The following ZBTB20 variants were observed in gnomAD, a reference collection of about 807,000 sequenced individuals.
The protein encoded by ZBTB20 is zinc finger and BTB domain-containing protein 20.
Under a neutral mutation model 56.9 loss-of-function variants are expected in ZBTB20, and 9 were observed. The ratio of observed to expected loss-of-function variants is 0.16; its 90% CI spans 0.10 to 0.28. ZBTB20 has a LOEUF of 0.28. Among genes scored for constraint, ZBTB20 ranks in the 10% least tolerant of loss-of-function variants. ZBTB20 has a pLI of 1.00. For synonymous variants in ZBTB20, 417 were observed against 420.7 expected (o/e 0.99, Z 0.11); for missense variants, 655 against 1,003.0 (o/e 0.65, Z 4.69).
intron 11 of ZBTB20, among the ~76,000 whole-genome samples, chr3:114,346,730 G>C (rs2080217920): frequency 6.6e-6 from 1 of 151,078 alleles, no homozygotes; most frequent in Admixed American, 6.6e-5. Flanking sequence ...ATGTTGCCCG[G>C]GGTGGAGTGC....
intron 6 of ZBTB20, among the ~76,000 whole-genome samples, chr3:114,510,329 G>C (rs1396496700): frequency 6.6e-6 from 1 of 152,104 alleles, no homozygotes; most frequent in African/African-American, 2.4e-5. Flanking sequence ...GCATGAAAGG[G>C]TTCCTTTCTT....
At chr3:114,362,008 T>G (rs978654138) in intron 10 of ZBTB20, among the ~76,000 whole-genome samples, 1 of 152,196 alleles carries the variant, frequency 6.6e-6, no homozygotes, top group African/African-American at 2.4e-5. Flanking sequence ...GAGACCATCA[T>G]GGACTAAGGA....
At chr3:114,767,609 G>A (rs938720610) in intron 5 of ZBTB20, among the ~76,000 whole-genome samples, 1 of 151,146 alleles carries the variant, frequency 6.6e-6, no homozygotes, top group East Asian at 1.9e-4. Context: ...AGGAGGGAGG[G>A]AGAAAGGAGA....
chr3:115,053,725 T>C (rs2081641321), intron 2 of ZBTB20, among the ~76,000 whole-genome samples: 1 of 152,142 alleles, frequency 6.6e-6, no homozygotes. Flanking sequence ...GCAAATAATT[T>C]GTTCTCTGCT....
At chr3:115,141,750 T>A (rs913287066) in intron 1 of ZBTB20, among the ~76,000 whole-genome samples, 1 of 152,244 alleles carries the variant, frequency 6.6e-6, no homozygotes. Flanking sequence ...CACAGCCTAG[T>A]ATCTCTGGCA....
intron 1 of ZBTB20, among the ~76,000 whole-genome samples, chr3:115,099,947 A>G (rs1468019728): frequency 3.3e-5 from 5 of 152,150 alleles, no homozygotes; most frequent in Admixed American, 2.0e-4. Context: ...TAAAGTAACA[A>G]AACTGAATCA....
intron 7 of ZBTB20, among the ~76,000 whole-genome samples, chr3:114,472,213 C>T (rs983502626): frequency 1.3e-5 from 2 of 152,164 alleles, no homozygotes; most frequent in Admixed American, 1.3e-4. Flanking sequence ...AGCAGAATTC[C>T]CTACTTAGAG....
chr3:114,864,778 C>CA (rs1221769320), intron 4 of ZBTB20, among the ~76,000 whole-genome samples: 1 of 152,050 alleles, frequency 6.6e-6, no homozygotes, highest in Non-Finnish European at 1.5e-5. Context: ...GAGAAGTATA[C>CA]AAAAGTGTTA....
chr3:114,937,053 T>C (rs1233943033), intron 3 of ZBTB20, among the ~76,000 whole-genome samples: 1 of 152,214 alleles, frequency 6.6e-6, no homozygotes, highest in East Asian at 1.9e-4. Flanking sequence ...GTCTTTGTTA[T>C]TGTGAATAGC....
intron 5 of ZBTB20, among the ~76,000 whole-genome samples, chr3:114,763,341 G>A (rs1426602288): frequency 6.6e-6 from 1 of 152,166 alleles, no homozygotes; most frequent in African/African-American, 2.4e-5. Context: ...AGAAGTCCAA[G>A]ATTGTATCAG....
intron 7 of ZBTB20, among the ~76,000 whole-genome samples, chr3:114,422,243 A>C (rs887826159): frequency 6.6e-6 from 1 of 152,184 alleles, no homozygotes; most frequent in African/African-American, 2.4e-5. Context: ...TGGAATTCTC[A>C]CAATGGGATT....
At chr3:114,449,211 C>A (rs1219303732) in intron 7 of ZBTB20, among the ~76,000 whole-genome samples, 1 of 152,056 alleles carries the variant, frequency 6.6e-6, no homozygotes, top group African/African-American at 2.4e-5. Context: ...TTAGAATATT[C>A]AGTTCTCAAA....
chr3:114,572,809 A>G (rs200350481), intron 6 of ZBTB20, among the ~76,000 whole-genome samples: 227 of 152,262 alleles, frequency 1.5e-3, no homozygotes, highest in African/African-American at 4.5e-3. Context: ...TTTTTTGGGT[A>G]AATTTCTGGG....
intron 4 of ZBTB20, among the ~76,000 whole-genome samples, chr3:114,834,021 T>C (rs1429154378): frequency 2.0e-5 from 3 of 152,130 alleles, no homozygotes; most frequent in Admixed American, 1.3e-4. Context: ...CACTAACTAA[T>C]GTACGTATTA....
At chr3:114,756,081 C>A (rs2067989301) in intron 5 of ZBTB20, among the ~76,000 whole-genome samples, 1 of 151,952 alleles carries the variant, frequency 6.6e-6, no homozygotes, top group Non-Finnish European at 1.5e-5. Context: ...TATTTTGCTG[C>A]AATCATGTAT....
chr3:114,886,501 G>T (rs368628008), intron 4 of ZBTB20, among the ~76,000 whole-genome samples: 1 of 152,138 alleles, frequency 6.6e-6, no homozygotes, highest in African/African-American at 2.4e-5. Flanking sequence ...AGATCATTAC[G>T]AAAAACATTT....
At chr3:114,710,513 G>A (rs900173994) in intron 5 of ZBTB20, among the ~76,000 whole-genome samples, 40 of 152,018 alleles carry the variant, frequency 2.6e-4, no homozygotes, top group African/African-American at 8.9e-4. Context: ...ATCCCCTATA[G>A]CTCCCAACTC....
intron 6 of ZBTB20, among the ~76,000 whole-genome samples, chr3:114,504,654 G>A (rs1233508453): frequency 6.6e-6 from 1 of 152,152 alleles, no homozygotes; most frequent in Non-Finnish European, 1.5e-5. Flanking sequence ...TGAAACCTGA[G>A]ACTTCACTGA....
chr3:114,608,764 G>T (rs1183344960), intron 6 of ZBTB20, among the ~76,000 whole-genome samples: 1 of 152,180 alleles, frequency 6.6e-6, no homozygotes, highest in East Asian at 1.9e-4. Flanking sequence ...CATATGCTTA[G>T]TCATGTAACA....
Sources: allele counts gnomAD v4.1 joint callset (sites outside exome capture counted in the v4.1 genomes callset), GRCh38; gene constraint gnomAD v4.1.1; transcripts MANE v1.5; gene names NCBI Gene and HGNC (gene_info 2026-07-23, HGNC 2026-07-21).